The following NRG1 variants were observed in gnomAD, a reference collection of about 807,000 sequenced individuals.
The protein encoded by NRG1 is neuregulin 1.
In NRG1, 18 loss-of-function variants were observed where a neutral mutation model predicts 63.8. That is an observed-to-expected ratio of 0.28 (90% CI 0.19 to 0.42). The LOEUF (loss-of-function observed/expected upper bound fraction) is 0.42. Ranked by LOEUF, NRG1 falls within the 10% of genes least tolerant of loss-of-function variation. The pLI, the probability that NRG1 is intolerant of heterozygous loss-of-function variation, is 1.00. For missense variants in NRG1, 762 were observed against 814.7 expected (o/e 0.94, Z 0.79); for synonymous variants, 302 against 301.3 (o/e 1.00, Z -0.02).
chr8:31,713,358 C>G (rs990104759), intron 1 of NRG1, among the ~76,000 whole-genome samples: 2 of 151,934 alleles, frequency 1.3e-5, no homozygotes, highest in African/African-American at 4.8e-5. Flanking sequence ...CCTCGTGATC[C>G]GCCGGCCTCG....
At chr8:32,646,502 A>C (rs1490604406) in intron 5 of NRG1, among the ~76,000 whole-genome samples, 1 of 152,196 alleles carries the variant, frequency 6.6e-6, no homozygotes, top group African/African-American at 2.4e-5. Flanking sequence ...ATCAGATAGC[A>C]GACTTCAAGC....
At chr8:32,451,947 T>G (rs1172242720) in intron 1 of NRG1, among the ~76,000 whole-genome samples, 6 of 152,050 alleles carry the variant, frequency 3.9e-5, no homozygotes. Flanking sequence ...CACCTCAGCC[T>G]CCCAAGTAGC....
At chr8:32,158,828 G>A (rs1315850578) in intron 1 of NRG1, among the ~76,000 whole-genome samples, 1 of 152,044 alleles carries the variant, frequency 6.6e-6, no homozygotes. Flanking sequence ...AGGGAAGGGA[G>A]GGGAGCAAAA....
intron 1 of NRG1, among the ~76,000 whole-genome samples, chr8:31,645,319 T>C (rs1804188433): frequency 6.6e-6 from 1 of 152,226 alleles, no homozygotes; most frequent in African/African-American, 2.4e-5. Flanking sequence ...ATTTACAGAA[T>C]ATACAAATTC....
chr8:32,155,368 C>T (rs981744310), intron 1 of NRG1, among the ~76,000 whole-genome samples: 3 of 152,126 alleles, frequency 2.0e-5, no homozygotes, highest in Non-Finnish European at 4.4e-5. Flanking sequence ...TGACTCAGAG[C>T]GTATAGCCTT....
In NRG1 at chr8:32,664,301, G is replaced by GA. The variant is rs371276521; in HGVS notation, c.502+47427dup. 9.4e-3 allele frequency among the ~76,000 whole-genome samples: 1,341 copies of GA among 142,404 alleles called. 7 individuals carry two copies. The highest frequency in any genetic ancestry group is 0.022 in the Middle Eastern group (6 of 272). The allele number at this position is 142,404 out of a possible 152,430, so 93.4% of individuals were successfully genotyped here. A position where few individuals can be genotyped will look rare whatever the true frequency, so the allele number is the denominator to read the frequency against. On this transcript the variant is annotated intron_variant, in intron 5 of 11. Coordinates refer to ENST00000356819, the Ensembl canonical transcript of NRG1. ...AAGAAAAAATCCTTTAGTTTGAGGT[G>GA]AAAAAAAAAAACCAAAAAGGAATAA...
intron 1 of NRG1, among the ~76,000 whole-genome samples, chr8:32,525,018 C>T (rs747124309): frequency 2.0e-5 from 3 of 152,160 alleles, no homozygotes; most frequent in Non-Finnish European, 4.4e-5. Context: ...AATATTTGCC[C>T]TCCAGAGCTA....
intron 1 of NRG1, among the ~76,000 whole-genome samples, chr8:32,493,749 TA>T (rs1240968415): frequency 1.3e-5 from 2 of 152,212 alleles, no homozygotes; most frequent in Non-Finnish European, 2.9e-5. Flanking sequence ...GTTTTGCTCT[TA>T]ATGTTGCCTG....
chr8:32,034,353 A>G (rs1449757637), intron 1 of NRG1, among the ~76,000 whole-genome samples: 3 of 152,178 alleles, frequency 2.0e-5, no homozygotes, highest in Non-Finnish European at 4.4e-5. Flanking sequence ...TCAGTTTGCC[A>G]GTATTTTATT....
At chr8:32,350,574 G>A (rs1443697207) in intron 1 of NRG1, among the ~76,000 whole-genome samples, 4 of 152,084 alleles carry the variant, frequency 2.6e-5, no homozygotes, top group Non-Finnish European at 4.4e-5. Context: ...CATTAGGCCT[G>A]GCAAATAGGA....
chr8:31,878,542 A>G (rs184126251), intron 1 of NRG1, among the ~76,000 whole-genome samples: 2 of 152,350 alleles, frequency 1.3e-5, no homozygotes, highest in East Asian at 1.9e-4. Context: ...CGATTGTTAT[A>G]TAGTAATATC....
At chr8:32,525,388 A>AG (rs201620757) in intron 1 of NRG1, among the ~76,000 whole-genome samples, 1 of 114,144 alleles carries the variant, frequency 8.8e-6, no homozygotes, top group Non-Finnish European at 1.8e-5. Context: ...AGCATGAGGT[A>AG]GGGGTGTGTG....
rs540618079 is a variant in NRG1 at position 32,436,233 on chromosome 8, G to T, written c.38-159595G>T. Among the ~76,000 whole-genome samples, 6 of 152,254 alleles carry T rather than the reference G, an allele frequency of 3.9e-5. No individual in the cohort carries two copies. The South Asian group carries it at 1.2e-3, about 32-fold the overall frequency. ...ACACCTTATAAAGCCATCAGATCTA[G>T]TGAGACTTATTCACTACCACGAGTA... On this transcript the variant is annotated intron_variant, in intron 1 of 10. Transcript: ENST00000519301.
At chr8:31,893,634 A>G (rs1432903991) in intron 1 of NRG1, among the ~76,000 whole-genome samples, 1 of 151,798 alleles carries the variant, frequency 6.6e-6, no homozygotes, top group Non-Finnish European at 1.5e-5. Flanking sequence ...CATCAAATGG[A>G]AAATTATAAA....
At chr8:32,089,131 A>G (rs1828723276) in intron 1 of NRG1, among the ~76,000 whole-genome samples, 2 of 152,142 alleles carry the variant, frequency 1.3e-5, no homozygotes, top group East Asian at 1.9e-4. Context: ...AGGGGAGAGA[A>G]AGGCAATTTG....
At chr8:31,994,266 C>A (rs776892364) in intron 1 of NRG1, among the ~76,000 whole-genome samples, 1 of 151,832 alleles carries the variant, frequency 6.6e-6, no homozygotes, top group Non-Finnish European at 1.5e-5. Context: ...TGGATGGACA[C>A]TGGGGAATGA....
At chr8:31,872,310 C>T (rs184662447) in intron 1 of NRG1, among the ~76,000 whole-genome samples, 130 of 152,126 alleles carry the variant, frequency 8.5e-4, no homozygotes, top group African/African-American at 2.9e-3. Flanking sequence ...TATCCTTTTA[C>T]CATTTTTTTT....
intron 1 of NRG1, among the ~76,000 whole-genome samples, chr8:32,486,422 G>C (rs1224917040): frequency 3.9e-5 from 6 of 152,212 alleles, no homozygotes; most frequent in African/African-American, 1.2e-4. Flanking sequence ...CGCCACCCAG[G>C]TTGTTAGGAC....
intron 1 of NRG1, among the ~76,000 whole-genome samples, chr8:32,017,609 C>T (rs1439455247): frequency 2.0e-5 from 3 of 152,168 alleles, no homozygotes; most frequent in Non-Finnish European, 4.4e-5. Flanking sequence ...AATCAGGGTT[C>T]CCATGACCCC....
Sources: gnomAD v4.1 joint callset for allele counts (sites outside exome capture counted in the v4.1 genomes callset) on GRCh38, gnomAD v4.1.1 for gene constraint, MANE v1.5 for transcripts, NCBI Gene and HGNC (gene_info 2026-07-23, HGNC 2026-07-21) for gene names.